SMOC2: variants seen among roughly 807,000 people sequenced by gnomAD.
SMOC2 encodes the protein SPARC-related modular calcium-binding protein 2.
A neutral mutation model predicts 61.4 loss-of-function variants in SMOC2; 39 were observed. The ratio of observed to expected loss-of-function variants is 0.64; its 90% CI spans 0.49 to 0.83. SMOC2 has a LOEUF of 0.83. Ranked by LOEUF, SMOC2 falls within the 40% of genes least tolerant of loss-of-function variation. The pLI is 0.00. For synonymous variants in SMOC2, 247 were observed against 239.9 expected (o/e 1.03, Z -0.27); for missense variants, 556 against 592.9 (o/e 0.94, Z 0.65).
intron 1 of SMOC2, among the ~76,000 whole-genome samples, chr6:168,482,084 A>G (rs1782219131): frequency 1.3e-5 from 2 of 151,978 alleles, no homozygotes; most frequent in African/African-American, 4.8e-5. Flanking sequence ...TAATAGAGGA[A>G]AATTAGTGAA....
intron 7 of SMOC2, among the ~76,000 whole-genome samples, chr6:168,562,986 A>T (rs1784455493): frequency 6.6e-6 from 1 of 152,178 alleles, no homozygotes; most frequent in African/African-American, 2.4e-5. Context: ...TCACGTAGGC[A>T]TGCTCCCCGG....
At chr6:168,597,528 G>A (rs565143047) in intron 7 of SMOC2, among the ~76,000 whole-genome samples, 26 of 152,186 alleles carry the variant, frequency 1.7e-4, no homozygotes, top group Non-Finnish European at 2.6e-4. Context: ...TGATGTGGAC[G>A]CACCACACCA....
intron 9 of SMOC2, among the ~76,000 whole-genome samples, chr6:168,616,630 C>T (rs1448987445): frequency 6.6e-6 from 1 of 152,052 alleles, no homozygotes; most frequent in African/African-American, 2.4e-5. Flanking sequence ...TGAAATTTGC[C>T]CATGAATAAG....
chr6:168,663,936 G>T lies in SMOC2; in HGVS notation c.1286-138G>T, dbSNP rs754397746. On this transcript the variant is annotated intron_variant, in intron 11 of 12. Coordinates refer to ENST00000356284, the MANE Select transcript of SMOC2 (RefSeq NM_001166412.2). ...GGATACTGAGGAATGACTGTATGTG[G>T]TTTTTTTCATATAAATGAGTTTGCC... The T allele has an allele frequency of 2.7e-4, 187 of 680,902 alleles. 2 individuals carry two copies. The Middle Eastern group carries it at 3.7e-3, about 13-fold the overall frequency. 42.2% of individuals were successfully genotyped at this position (680,902 alleles called of 1,614,324 possible). A position where few individuals can be genotyped will look rare whatever the true frequency, so the allele number is the denominator to read the frequency against.
chr6:168,600,437 A>C (rs1174935223), intron 8 of SMOC2, among the ~76,000 whole-genome samples: 2 of 124,814 alleles, frequency 1.6e-5, no homozygotes, highest in African/African-American at 3.0e-5. Flanking sequence ...AAAAAAACAA[A>C]AAAAAAAACA....
intron 5 of SMOC2, 111 bp downstream of exon 5, chr6:168,543,783 G>A (rs925357375): frequency 7.1e-6 from 7 of 986,076 alleles, no homozygotes; most frequent in Admixed American, 2.1e-5. Context: ...GATGAGAGCC[G>A]AACCAGTTTG....
At chr6:168,481,512 G>A (rs1782206102) in intron 1 of SMOC2, among the ~76,000 whole-genome samples, 1 of 151,914 alleles carries the variant, frequency 6.6e-6, no homozygotes, top group Non-Finnish European at 1.5e-5. Context: ...AACAGCTATA[G>A]AGTATATATG....
At chr6:168,545,485 C>T (rs1272477215) in intron 5 of SMOC2, among the ~76,000 whole-genome samples, 1 of 152,234 alleles carries the variant, frequency 6.6e-6, no homozygotes, top group African/African-American at 2.4e-5. Context: ...ACTTCAGCAG[C>T]CACCAATGGC....
Position 168,598,862 on chromosome 6 carries a change from A to G in SMOC2, c.682A>G (p.Lys228Glu). ...QEHQSALEEA[K>E]QPKNDNVVIP... ...GCACCAGTCTGCCCTGGAGGAAGCC[A>G]AGCAGCCCAAGAACGACAATGTGGT... Residue 228 changes from lysine (K) to glutamate (E), a missense_variant, in exon 8 of 13, where the codon AAG becomes GAG. Transcript: ENST00000356284. The G allele has an allele frequency of 1.9e-6, 3 of 1,613,862 alleles. No homozygotes were observed. The highest frequency in any genetic ancestry group is 1.7e-6 in the Non-Finnish European group (2 of 1,179,828).
At chr6:168,616,117 C>T (rs573081012) in intron 9 of SMOC2, among the ~76,000 whole-genome samples, 4 of 152,260 alleles carry the variant, frequency 2.6e-5, no homozygotes, top group Admixed American at 6.5e-5. Context: ...AAAGGTGACA[C>T]GAGGTGTCAA....
intron 4 of SMOC2, among the ~76,000 whole-genome samples, chr6:168,530,954 T>A (rs1783587338): frequency 6.6e-6 from 1 of 152,130 alleles, no homozygotes; most frequent in East Asian, 1.9e-4. Flanking sequence ...GTTCGCTCGG[T>A]TCATCCTACA....
chr6:168,632,132 T>G (rs778645872), intron 9 of SMOC2, among the ~76,000 whole-genome samples: 8 of 152,182 alleles, frequency 5.3e-5, no homozygotes, highest in Non-Finnish European at 1.2e-4. Flanking sequence ...CATCTGAAAT[T>G]TTGTCAATGA....
chr6:168,538,406 G>C (rs1783794412), intron 4 of SMOC2, among the ~76,000 whole-genome samples: 1 of 110,578 alleles, frequency 9.0e-6, no homozygotes, highest in Non-Finnish European at 1.8e-5. Flanking sequence ...CTGCTGGCAT[G>C]TAGGGGAGTG....
Position 168,446,421 on chromosome 6 carries a change from T to A in SMOC2, c.84+4967T>A, listed in dbSNP as rs149374845. On this transcript the variant is annotated intron_variant, in intron 1 of 12. Coordinates refer to ENST00000356284, the MANE Select transcript of SMOC2 (RefSeq NM_001166412.2). ...ACACATACAACACACAAACTTAGAATGATGAATTTCCAGTAGGATTTTGAA... is the reference window on the plus strand; with the variant it reads ...ACACATACAACACACAAACTTAGAAAGATGAATTTCCAGTAGGATTTTGAA... Among the ~76,000 whole-genome samples, 356 of 152,228 alleles carry A rather than the reference T, an allele frequency of 2.3e-3. 1 individual carries two copies. Among genetic ancestry groups the A allele is most frequent in the African/African-American group, 8.0e-3 (333 of 41,538 alleles).
intron 8 of SMOC2, among the ~76,000 whole-genome samples, chr6:168,607,890 C>T (rs983428026): frequency 1.6e-5 from 1 of 64,516 alleles, no homozygotes; most frequent in African/African-American, 5.7e-5. Context: ...AGATGAGATT[C>T]ATTTCAGAGA....
intron 7 of SMOC2, among the ~76,000 whole-genome samples, chr6:168,569,995 G>A (rs7747968): frequency 0.035 from 5,317 of 152,224 alleles, 230 homozygotes; most frequent in African/African-American, 0.11. Flanking sequence ...TGTTTTACAC[G>A]TAGCTCTGTG....
chr6:168,599,309 A>ACC (rs1554247690), intron 8 of SMOC2, among the ~76,000 whole-genome samples: 10 of 101,690 alleles, frequency 9.8e-5, no homozygotes, highest in South Asian at 6.3e-4. Flanking sequence ...CCACACACAC[A>ACC]CCCCCACACT....
chr6:168,601,810 G>A (rs991502605), intron 8 of SMOC2, among the ~76,000 whole-genome samples: 11 of 152,178 alleles, frequency 7.2e-5, no homozygotes, highest in African/African-American at 2.7e-4. Flanking sequence ...ATTGTGATAG[G>A]CTAGAAACAC....
At chr6:168,519,683 C>T (rs994957116) in intron 2 of SMOC2, among the ~76,000 whole-genome samples, 1 of 152,212 alleles carries the variant, frequency 6.6e-6, no homozygotes, top group Admixed American at 6.5e-5. Context: ...CCTCTCCGCA[C>T]AGCCTAGGGA....
Sources: gnomAD v4.1 joint callset for allele counts (sites outside exome capture counted in the v4.1 genomes callset) on GRCh38, gnomAD v4.1.1 for gene constraint, MANE v1.5 for transcripts, NCBI Gene and HGNC (gene_info 2026-07-23, HGNC 2026-07-21) for gene names.